Variants in RARB observed in about 807,000 individuals in gnomAD.
The protein encoded by RARB is HBV-activated protein.
In RARB, 17 loss-of-function variants were observed where a neutral mutation model predicts 51.9. The ratio of observed to expected loss-of-function variants is 0.33; its 90% confidence interval spans 0.22 to 0.49. The LOEUF (loss-of-function observed/expected upper bound fraction) is 0.49. Ranked by LOEUF, RARB falls within the 20% of genes least tolerant of loss-of-function variation. The pLI, the probability that RARB is intolerant of heterozygous loss-of-function variation, is 0.99. For missense variants in RARB, 369 were observed against 550.8 expected (o/e 0.67, Z 3.30); for synonymous variants, 215 against 195.4 (o/e 1.10, Z -0.84).
At chr3:25,567,215 A>G (rs1700532133) in intron 3 of RARB, among the ~76,000 whole-genome samples, 1 of 152,208 alleles carries the variant, frequency 6.6e-6, no homozygotes. Context: ...TAGTGGATCC[A>G]CTAAGTTGTG....
chr3:25,382,719 G>A (rs1433059198), intron 5 of RARB, among the ~76,000 whole-genome samples: 10 of 152,120 alleles, frequency 6.6e-5, no homozygotes, highest in Admixed American at 2.0e-4. Context: ...TTAGCCGGGT[G>A]TGGCGGTGTG....
In RARB at chr3:25,260,203, T is replaced by C. The variant is rs116743611; in HGVS notation, c.178+85628T>C. Among the ~76,000 whole-genome samples the C allele has an allele frequency of 4.2e-3, 635 of 152,280 alleles. 9 individuals are homozygous for C. Among genetic ancestry groups the C allele is most frequent in the African/African-American group, 0.014 (585 of 41,572 alleles). ...CTGGTTGTATTCCTTTAAGCCTGGTTGGAAGACAGTGAGTGCAAGAACACC... is the reference window on the plus strand; with the variant it reads ...CTGGTTGTATTCCTTTAAGCCTGGTCGGAAGACAGTGAGTGCAAGAACACC... On this transcript the variant is annotated intron_variant, in intron 5 of 11. Coordinates refer to the RARB transcript ENST00000383772.
chr3:25,550,421 G>T (rs1450484079), intron 3 of RARB, among the ~76,000 whole-genome samples: 1 of 152,016 alleles, frequency 6.6e-6, no homozygotes, highest in Non-Finnish European at 1.5e-5. Context: ...TGCCTAGTGA[G>T]GTCCTACTTT....
At chr3:25,161,972 A>C (rs1369484507) in intron 4 of RARB, among the ~76,000 whole-genome samples, 1 of 152,198 alleles carries the variant, frequency 6.6e-6, no homozygotes, top group Non-Finnish European at 1.5e-5. Context: ...CAAGACAGAC[A>C]GACACACAAG....
At chr3:25,369,438 A>G (rs908965002) in intron 5 of RARB, among the ~76,000 whole-genome samples, 7 of 152,234 alleles carry the variant, frequency 4.6e-5, no homozygotes, top group African/African-American at 1.7e-4. Flanking sequence ...TGATCCTCAG[A>G]GCAGCTAGAT....
intron 4 of RARB, among the ~76,000 whole-genome samples, chr3:25,145,015 C>T (rs1700165399): frequency 6.6e-6 from 1 of 152,130 alleles, no homozygotes; most frequent in Non-Finnish European, 1.5e-5. Flanking sequence ...TGGCTTTTGT[C>T]TTTGCACCTA....
intron 2 of RARB, among the ~76,000 whole-genome samples, chr3:24,872,473 G>A (rs1370069701): frequency 1.3e-5 from 2 of 152,130 alleles, no homozygotes; most frequent in Non-Finnish European, 2.9e-5. Context: ...TTGGCTTATA[G>A]TTCTTCATAC....
At chr3:25,334,448 A>C (rs938198633) in intron 5 of RARB, among the ~76,000 whole-genome samples, 1 of 152,178 alleles carries the variant, frequency 6.6e-6, no homozygotes. Context: ...CAAACACCGC[A>C]TGTTCTCACT....
intron 5 of RARB, among the ~76,000 whole-genome samples, chr3:25,227,590 A>C (rs189644147): frequency 3.2e-4 from 48 of 152,290 alleles, no homozygotes; most frequent in Admixed American, 2.6e-3. Context: ...AAGTAGCTAC[A>C]AGTTACCCAC....
At chr3:24,871,036 A>G (rs1341132821) in intron 2 of RARB, among the ~76,000 whole-genome samples, 2 of 151,988 alleles carry the variant, frequency 1.3e-5, no homozygotes, top group Non-Finnish European at 2.9e-5. Context: ...TCCGGTAACC[A>G]TCATTCTACT....
intron 1 of RARB, among the ~76,000 whole-genome samples, chr3:24,848,395 G>C (rs1702511932): frequency 6.6e-6 from 1 of 152,094 alleles, no homozygotes; most frequent in Non-Finnish European, 1.5e-5. Context: ...TCCAAATACT[G>C]TCTCTCTTTC....
At chr3:25,245,153 C>T (rs572259327) in intron 5 of RARB, among the ~76,000 whole-genome samples, 13 of 152,156 alleles carry the variant, frequency 8.5e-5, no homozygotes, top group African/African-American at 3.1e-4. Context: ...TTTCCATTTG[C>T]TTGGTAAATC....
At chr3:25,496,834 G>A (rs1336487055) in intron 2 of RARB, among the ~76,000 whole-genome samples, 3 of 152,142 alleles carry the variant, frequency 2.0e-5, no homozygotes, top group Non-Finnish European at 4.4e-5. Context: ...TACCATTACG[G>A]TGTCAGCAGT....
chr3:25,470,909 C>T (rs920936575), intron 2 of RARB, among the ~76,000 whole-genome samples: 1 of 152,144 alleles, frequency 6.6e-6, no homozygotes, highest in Non-Finnish European at 1.5e-5. Flanking sequence ...AGCCTTATTA[C>T]TAGGGCTTTG....
At chr3:25,129,597 T>C (rs1699913115) in intron 3 of RARB, among the ~76,000 whole-genome samples, 1 of 152,120 alleles carries the variant, frequency 6.6e-6, no homozygotes, top group African/African-American at 2.4e-5. Flanking sequence ...TTATCTTCAA[T>C]AAGCATAAAA....
intron 5 of RARB, among the ~76,000 whole-genome samples, chr3:25,392,670 A>C (rs6794508): frequency 0.17 from 25,277 of 151,600 alleles, 2,371 homozygotes; most frequent in Admixed American, 0.3. Context: ...GGGTCGAGGT[A>C]TTTATTTAAT....
chr3:25,159,419 C>A (rs1700439359), intron 4 of RARB, among the ~76,000 whole-genome samples: 1 of 151,130 alleles, frequency 6.6e-6, no homozygotes, highest in South Asian at 2.1e-4. Flanking sequence ...TCCACCCCCC[C>A]CGCTCCCCCT....
intron 1 of RARB, among the ~76,000 whole-genome samples, chr3:24,849,338 C>G (rs143578885): frequency 6.6e-6 from 1 of 152,162 alleles, no homozygotes; most frequent in African/African-American, 2.4e-5. Context: ...GTATATGCCG[C>G]GTGTGTTCAT....
At chr3:25,288,785 C>G (rs1253681878) in intron 5 of RARB, among the ~76,000 whole-genome samples, 1 of 151,984 alleles carries the variant, frequency 6.6e-6, no homozygotes, top group Admixed American at 6.6e-5. Context: ...TTTCTTCTCC[C>G]CTACAGATTG....
Sources: allele counts gnomAD v4.1 joint callset (sites outside exome capture counted in the v4.1 genomes callset), GRCh38; gene constraint gnomAD v4.1.1; transcripts MANE v1.5; gene names NCBI Gene and HGNC (gene_info 2026-07-23, HGNC 2026-07-21).